The following EPS15 variants were observed in gnomAD, a reference collection of about 807,000 sequenced individuals.
The protein encoded by EPS15 is epidermal growth factor receptor pathway substrate 15.
Under a neutral mutation model 113.8 loss-of-function variants are expected in EPS15, and 72 were observed. That is an observed-to-expected ratio of 0.63 (90% CI 0.52 to 0.77). The LOEUF (loss-of-function observed/expected upper bound fraction) is 0.77. Among genes scored for constraint, EPS15 ranks in the 30% least tolerant of loss-of-function variants. EPS15 has a pLI of 0.00. For synonymous variants in EPS15, 344 were observed against 363.4 expected, an observed-to-expected ratio of 0.95 and a Z score of 0.61; for missense variants, 1,048 against 1,045.8, an observed-to-expected ratio of 1.00 and a Z score of -0.03.
chr1:51,429,360 T>C (rs544514266), intron 12 of EPS15, among the ~76,000 whole-genome samples: 36 of 151,326 alleles, frequency 2.4e-4, no homozygotes, highest in African/African-American at 8.8e-4. Context: ...AAAAAAAAAA[T>C]TACCACTTTA....
At chr1:51,497,840 G>A (rs748979594) in intron 1 of EPS15, among the ~76,000 whole-genome samples, 4 of 152,046 alleles carry the variant, frequency 2.6e-5, no homozygotes, top group African/African-American at 4.8e-5. Flanking sequence ...CGCTGGGCAT[G>A]GTGGTGCGCG....
chr1:51,512,696 G>A (rs751509102), intron 1 of EPS15, among the ~76,000 whole-genome samples: 14 of 152,002 alleles, frequency 9.2e-5, no homozygotes, highest in Non-Finnish European at 1.6e-4. Context: ...TACCCATAAA[G>A]AAATAACAAA....
At chr1:51,383,794 GAAAT>G (rs1274394015) in intron 21 of EPS15, among the ~76,000 whole-genome samples, 2 of 152,070 alleles carry the variant, frequency 1.3e-5, no homozygotes, top group Non-Finnish European at 2.9e-5. Context: ...TCAAAACAAA[GAAAT>G]AAAATCTGTT....
chr1:51,403,187 G>T (rs917423327), intron 17 of EPS15, among the ~76,000 whole-genome samples: 1 of 152,066 alleles, frequency 6.6e-6, no homozygotes, highest in South Asian at 2.1e-4. Flanking sequence ...ACAGGCACTT[G>T]CCACCACATC....
chr1:51,457,160 G>A (rs1053368994), intron 8 of EPS15, among the ~76,000 whole-genome samples: 46 of 152,012 alleles, frequency 3.0e-4, no homozygotes, highest in African/African-American at 1.1e-3. Flanking sequence ...GGTGGCGGGC[G>A]CCTGTAGTCC....
chr1:51,434,991 C>T (rs565700493), intron 12 of EPS15, among the ~76,000 whole-genome samples: 14 of 151,302 alleles, frequency 9.3e-5, no homozygotes, highest in Admixed American at 1.3e-4. Flanking sequence ...TATTTCATAC[C>T]ACTGAATTGT....
intron 19 of EPS15, among the ~76,000 whole-genome samples, chr1:51,400,465 C>A (rs757956125): frequency 6.6e-6 from 1 of 151,968 alleles, no homozygotes; most frequent in Non-Finnish European, 1.5e-5. Context: ...GAGGCTGAGG[C>A]AGGAGGACTG....
chr1:51,486,630 G>A (rs911180225), intron 1 of EPS15, among the ~76,000 whole-genome samples: 3 of 152,018 alleles, frequency 2.0e-5, no homozygotes, highest in African/African-American at 7.2e-5. Flanking sequence ...ACAGGCAAAA[G>A]GACACTGCCT....
At position 51,411,972 on chromosome 1, in the gene EPS15, G is replaced by A. The variant is rs368854050; in HGVS notation, c.1114-2276C>T. Among the ~76,000 whole-genome samples, 27 of 152,208 alleles carry A rather than the reference G, an allele frequency of 1.8e-4. 1 individual carries two copies. The East Asian group carries it at 4.8e-3, about 27-fold the overall frequency. ...GGAACCAATGCAAATGCCCACCAAC[G>A]ATAGACTAGATAAAGAAAATGTGGC... On this transcript the variant is annotated intron_variant, in intron 13 of 24. Transcript: ENST00000371733.
chr1:51,403,554 A>G, intron 16 of EPS15, 22 bp from the exon 17 acceptor site: 1 of 1,338,036 alleles, frequency 7.5e-7, no homozygotes, highest in South Asian at 1.3e-5. Context: ...TAATGCAAGT[A>G]GATTAACAAT....
chr1:51,465,365 T>C, intron 5 of EPS15, 39 bp from the exon 6 acceptor site: 2 of 1,417,184 alleles, frequency 1.4e-6, no homozygotes, highest in African/African-American at 1.4e-5. Flanking sequence ...GTTGAAATTC[T>C]CACATCAAGA....
chr1:51,421,172 G>A (rs556136989), intron 13 of EPS15, among the ~76,000 whole-genome samples: 43 of 152,136 alleles, frequency 2.8e-4, no homozygotes, highest in Non-Finnish European at 4.6e-4. Context: ...CAAAAACTGA[G>A]GTTTTTGTCA....
intron 20 of EPS15, among the ~76,000 whole-genome samples, chr1:51,397,811 G>GAA (rs1171520245): frequency 2.0e-5 from 3 of 152,132 alleles, no homozygotes; most frequent in Non-Finnish European, 2.9e-5. Context: ...AATAGTACTA[G>GAA]AAGACAAATT....
chr1:51,464,224 G>A (rs552835374), intron 6 of EPS15, among the ~76,000 whole-genome samples: 1 of 146,884 alleles, frequency 6.8e-6, no homozygotes, highest in Admixed American at 7.3e-5. Context: ...GGTATGAGGT[G>A]CAGTTCAAAT....
At chr1:51,439,263 T>C (rs1652396871) in intron 12 of EPS15, among the ~76,000 whole-genome samples, 1 of 152,110 alleles carries the variant, frequency 6.6e-6, no homozygotes, top group Non-Finnish European at 1.5e-5. Context: ...AGTCAATAAA[T>C]TTCACTCTTA....
chr1:51,466,014 C>A (rs200284754), intron 5 of EPS15, among the ~76,000 whole-genome samples: 1 of 145,646 alleles, frequency 6.9e-6, no homozygotes, highest in African/African-American at 2.6e-5. Flanking sequence ...TTTAAAAAAA[C>A]AAAAAACAAG....
intron 12 of EPS15, chr1:51,423,622 A>G: frequency 2.0e-6 from 2 of 985,306 alleles, no homozygotes; most frequent in South Asian, 9.4e-5. Flanking sequence ...AGAAAACACT[A>G]CAGTGTCACA....
At chr1:51,384,139 G>A (rs1402839425) in intron 21 of EPS15, among the ~76,000 whole-genome samples, 2 of 151,858 alleles carry the variant, frequency 1.3e-5, no homozygotes, top group Non-Finnish European at 2.9e-5. Context: ...TTTTTAAGTT[G>A]GTAATATTAC....
chr1:51,447,921 T>G, intron 9 of EPS15, 125 bp downstream of exon 9: 1 of 1,385,294 alleles, frequency 7.2e-7, no homozygotes, highest in Non-Finnish European at 9.5e-7. Flanking sequence ...CCTTTAACAC[T>G]GATAAATCTA....
Sources: gnomAD v4.1 joint callset for allele counts (sites outside exome capture counted in the v4.1 genomes callset) on GRCh38, gnomAD v4.1.1 for gene constraint, MANE v1.5 for transcripts, NCBI Gene and HGNC (gene_info 2026-07-23, HGNC 2026-07-21) for gene names.